Variants in PRTG observed in about 807,000 individuals in gnomAD.
PRTG encodes immunoglobulin superfamily, DCC subclass, member 5.
In PRTG, 67 loss-of-function variants were observed where a neutral mutation model predicts 122.5. That is an observed-to-expected ratio of 0.55 (90% CI 0.45 to 0.67). The LOEUF (loss-of-function observed/expected upper bound fraction) is 0.67. Among genes scored for constraint, PRTG ranks in the 30% least tolerant of loss-of-function variants. PRTG has a pLI of 0.00. For missense variants in PRTG, 1,435 were observed against 1,415.4 expected (o/e 1.01, Z -0.22); for synonymous variants, 554 against 501.1 (o/e 1.11, Z -1.41).
intron 2 of PRTG, among the ~76,000 whole-genome samples, chr15:55,701,699 T>G (rs2059664907): frequency 6.6e-6 from 1 of 152,208 alleles, no homozygotes; most frequent in African/African-American, 2.4e-5. Context: ...TCAAAGGTAG[T>G]GAATGAATAA....
chr15:55,639,365 T>C (rs559413686), intron 13 of PRTG, among the ~76,000 whole-genome samples: 2 of 152,328 alleles, frequency 1.3e-5, no homozygotes, highest in South Asian at 4.1e-4. Flanking sequence ...ACATGCTCAG[T>C]TTAATCACTT....
intron 6 of PRTG, 45 bp from the exon 7 acceptor site, chr15:55,679,490 G>C (rs1408239163): frequency 3.4e-6 from 5 of 1,477,454 alleles, no homozygotes; most frequent in Admixed American, 1.8e-5. Context: ...ATCCTAATAG[G>C]AATGATGTAA....
chr15:55,741,914 G>C (rs1251762444), intron 1 of PRTG, among the ~76,000 whole-genome samples: 1 of 152,154 alleles, frequency 6.6e-6, no homozygotes, highest in African/African-American at 2.4e-5. Context: ...CCCCATTGCA[G>C]AAAAAGCCTA....
chr15:55,627,343 T>TTG (rs71297643), intron 16 of PRTG, among the ~76,000 whole-genome samples: 1 of 148,080 alleles, frequency 6.8e-6, no homozygotes, highest in Non-Finnish European at 1.5e-5. Context: ...TTTTTTTTTT[T>TTG]GAGACGGAGT....
chr15:55,673,982 A>G (rs2059488146), intron 9 of PRTG, among the ~76,000 whole-genome samples: 1 of 152,252 alleles, frequency 6.6e-6, no homozygotes, highest in Non-Finnish European at 1.5e-5. Flanking sequence ...TTCTCAAACA[A>G]TTCCACCAAA....
At chr15:55,645,232 G>C (rs1027626860) in intron 11 of PRTG, among the ~76,000 whole-genome samples, 2 of 150,618 alleles carry the variant, frequency 1.3e-5, no homozygotes, top group African/African-American at 4.9e-5. Flanking sequence ...TCAGGAGATC[G>C]AGACCATCCT....
At chr15:55,698,173 T>G (rs1327827637) in intron 2 of PRTG, among the ~76,000 whole-genome samples, 1 of 152,192 alleles carries the variant, frequency 6.6e-6, no homozygotes, top group Non-Finnish European at 1.5e-5. Context: ...ACTAGTTTCC[T>G]CATCAGTGCT....
At chr15:55,641,885 A>T (rs1050954433) in intron 11 of PRTG, among the ~76,000 whole-genome samples, 18 of 152,158 alleles carry the variant, frequency 1.2e-4, no homozygotes, top group African/African-American at 4.3e-4. Flanking sequence ...CAGGGCTTTG[A>T]AAAAATAGGC....
Position 55,624,443 on chromosome 15 carries a change from AGGAGGCACTG to A in PRTG, c.2982_2991del (p.Ser995Ter), listed in dbSNP as rs764978464. On this transcript the variant is annotated frameshift_variant, in exon 18 of 20. Transcript: ENST00000389286. LOFTEE classifies it high-confidence loss of function. Reference sequence around the variant, plus strand: ...TTTCCTACCTCATTTCCACTAGCTAAGGAGGCACTGGTACGAGGTAACTGTTGAGTTCCAT... The same window carrying A: ...TTTCCTACCTCATTTCCACTAGCTAAGTACGAGGTAACTGTTGAGTTCCAT... 12 of 1,613,898 alleles carry A rather than the reference AGGAGGCACTG, an allele frequency of 7.4e-6. No individual in the cohort carries two copies. In the Admixed American group the frequency reaches 8.3e-5, roughly 11 times the overall value.
At chr15:55,656,411 A>C in intron 11 of PRTG, 2 of 442,472 alleles carry the variant, frequency 4.5e-6, no homozygotes, top group South Asian at 3.3e-5. Context: ...AATTTAGGGT[A>C]CTTTATAAAG....
At chr15:55,684,195 T>C (rs1421173992) in intron 2 of PRTG, among the ~76,000 whole-genome samples, 1 of 152,192 alleles carries the variant, frequency 6.6e-6, no homozygotes, top group East Asian at 1.9e-4. Context: ...AAAGTTAACA[T>C]ATGAAACAAA....
chr15:55,630,075 C>T (rs983984097), intron 15 of PRTG, among the ~76,000 whole-genome samples: 31 of 151,834 alleles, frequency 2.0e-4, no homozygotes, highest in Admixed American at 1.8e-3. Flanking sequence ...TCAGCTCCGC[C>T]GCCCAGGTTC....
At position 55,639,721 on chromosome 15, in the gene PRTG, C is replaced by T. The variant is rs144541725; in HGVS notation, c.2245G>A (p.Ala749Thr). The stretch of plus-strand genomic sequence containing the variant: ...ATGGTGTAGTTAATGATTTGTGCAG[C>T]GGTGAATGCAGGCCTCCTCCAGTGC... Reference protein sequence around the residue: ...FLHWRRPAFTAAQIINYTIRC... With the variant: ...FLHWRRPAFTTAQIINYTIRC... The change falls in exon 13 of 20, where the codon GCT (alanine) becomes ACT (threonine). Residue 749 changes from alanine (A) to threonine (T), a missense_variant. Physicochemically the swap from Ala to Thr is moderately conservative, Grantham distance 58. Transcript: ENST00000389286. The T allele has an allele frequency of 2.8e-5, 46 of 1,614,042 alleles. No individual in the cohort carries two copies. The highest frequency in any genetic ancestry group is 5.3e-5 in the African/African-American group (4 of 74,992).
chr15:55,710,087 C>T (rs1486129555), intron 2 of PRTG, among the ~76,000 whole-genome samples: 5 of 151,942 alleles, frequency 3.3e-5, no homozygotes, highest in African/African-American at 9.7e-5. Context: ...AAAAAGCCCC[C>T]GAAGAATATA....
chr15:55,635,908 T>TA (rs543243534), intron 15 of PRTG, among the ~76,000 whole-genome samples: 90 of 152,194 alleles, frequency 5.9e-4, no homozygotes, highest in Non-Finnish European at 1.3e-3. Context: ...TTCAGCTTTT[T>TA]ATTGGTTGGC....
intron 1 of PRTG, chr15:55,742,347 G>T (rs1324474179): frequency 6.5e-6 from 1 of 153,400 alleles, no homozygotes; most frequent in Non-Finnish European, 1.5e-5. Flanking sequence ...AAAAGTGGGG[G>T]AACTCCCACA....
At chr15:55,695,096 T>G (rs945571362) in intron 2 of PRTG, among the ~76,000 whole-genome samples, 2 of 152,200 alleles carry the variant, frequency 1.3e-5, no homozygotes, top group African/African-American at 4.8e-5. Flanking sequence ...ACCTGTCTAT[T>G]TAATCATTTG....
chr15:55,633,931 C>T (rs1360902873), intron 15 of PRTG, among the ~76,000 whole-genome samples: 3 of 152,116 alleles, frequency 2.0e-5, no homozygotes, highest in Non-Finnish European at 4.4e-5. Flanking sequence ...AAGGCTTATA[C>T]AGATGTAAAA....
chr15:55,676,049 G>T (rs919052761), intron 8 of PRTG, among the ~76,000 whole-genome samples: 11 of 151,948 alleles, frequency 7.2e-5, no homozygotes, highest in South Asian at 2.1e-4. Context: ...AACTCATGGG[G>T]TTTTTTTTCT....
Sources: gnomAD v4.1 joint callset for allele counts (sites outside exome capture counted in the v4.1 genomes callset) on GRCh38, gnomAD v4.1.1 for gene constraint, MANE v1.5 for transcripts, NCBI Gene and HGNC (gene_info 2026-07-23, HGNC 2026-07-21) for gene names.